STOX1: variants seen among roughly 807,000 people sequenced by gnomAD.
The protein encoded by STOX1 is storkhead box 1.
STOX1 carries 57 observed loss-of-function variants against 74.8 expected under a neutral mutation model. The observed-to-expected ratio is 0.76, with a 90% CI of 0.62 to 0.95. The LOEUF (loss-of-function observed/expected upper bound fraction) is 0.95, where lower values mean the gene tolerates loss of function less well. STOX1 is among the 40% of genes least tolerant of loss of function. The pLI is 0.00. For missense variants in STOX1, 1,010 were observed against 1,117.0 expected (o/e 0.90, Z 1.37); for synonymous variants, 375 against 401.3 (o/e 0.93, Z 0.78).
chr10:68,837,413 C>G (rs139505928), intron 1 of STOX1, among the ~76,000 whole-genome samples: 1 of 152,282 alleles, frequency 6.6e-6, no homozygotes, highest in African/African-American at 2.4e-5. Flanking sequence ...CACAAAGGGC[C>G]TGCAGAGGGG....
chr10:68,886,159 G>A lies in STOX1; in HGVS notation c.2363G>A (p.Arg788Lys). ...SLTEYNSTMERVESQVLKRNE... is the reference protein window; with the variant it reads ...SLTEYNSTMEKVESQVLKRNE... ...ACCGAGTACAACAGCACAATGGAGAGGGTTGAGTCTCAGGTGCTTAAAAGA... is the reference window on the plus strand; with the variant it reads ...ACCGAGTACAACAGCACAATGGAGAAGGTTGAGTCTCAGGTGCTTAAAAGA... Residue 788 changes from arginine (R) to lysine (K), a missense_variant, in exon 3 of 4, where the codon AGG (arginine) becomes AAG (lysine). Transcript: ENST00000298596. 1 of 1,614,162 alleles carries A rather than the reference G, an allele frequency of 6.2e-7. No individual in the cohort carries two copies. The highest frequency in any genetic ancestry group is 1.3e-5 in the African/African-American group (1 of 75,030).
chr10:68,830,562 C>T (rs1202349629), intron 1 of STOX1, among the ~76,000 whole-genome samples: 1 of 152,004 alleles, frequency 6.6e-6, no homozygotes, highest in Non-Finnish European at 1.5e-5. Context: ...AGACTGGTCT[C>T]GAACTTCTGA....
chr10:68,845,314 C>A (rs958091364), intron 1 of STOX1, among the ~76,000 whole-genome samples: 2 of 147,330 alleles, frequency 1.4e-5, no homozygotes, highest in East Asian at 2.0e-4. Flanking sequence ...TGCTCTGTCA[C>A]CCAGGCTGGA....
intron 1 of STOX1, among the ~76,000 whole-genome samples, chr10:68,870,888 G>C (rs1760273619): frequency 1.3e-5 from 2 of 152,230 alleles, no homozygotes; most frequent in Admixed American, 1.3e-4. Flanking sequence ...AGAGTCTCCT[G>C]ATAAAGCCTA....
intron 1 of STOX1, among the ~76,000 whole-genome samples, chr10:68,861,815 A>G (rs568009511): frequency 6.6e-6 from 1 of 152,252 alleles, no homozygotes; most frequent in Non-Finnish European, 1.5e-5. Context: ...GATGCTTTAA[A>G]TATTTGTTCT....
At chr10:68,833,824 C>G (rs1839473311) in intron 1 of STOX1, among the ~76,000 whole-genome samples, 1 of 152,174 alleles carries the variant, frequency 6.6e-6, no homozygotes. Context: ...GGGTCTGTCT[C>G]TCTTCTCTTA....
chr10:68,889,249 G>A (rs1841041490), intron 3 of STOX1, among the ~76,000 whole-genome samples: 1 of 152,218 alleles, frequency 6.6e-6, no homozygotes, highest in Non-Finnish European at 1.5e-5. Flanking sequence ...TGGGATTACA[G>A]GCATGACCCA....
chr10:68,828,947 C>T (rs1283097283), intron 1 of STOX1: 4 of 985,292 alleles, frequency 4.1e-6, no homozygotes, highest in Middle Eastern at 5.2e-4. Flanking sequence ...AGAAACTAAA[C>T]CACCGCACCC....
intron 1 of STOX1, among the ~76,000 whole-genome samples, chr10:68,878,681 T>A (rs1840738256): frequency 6.6e-6 from 1 of 152,228 alleles, no homozygotes; most frequent in South Asian, 2.1e-4. Flanking sequence ...ATGATTTCCT[T>A]GTTGAAGTCC....
intron 3 of STOX1, among the ~76,000 whole-genome samples, chr10:68,889,135 T>A (rs1436175782): frequency 6.6e-6 from 1 of 152,022 alleles, no homozygotes; most frequent in African/African-American, 2.4e-5. Context: ...CACATGCTAC[T>A]ATACCCAGCT....
chr10:68,869,530 C>T (rs889593597), intron 1 of STOX1, among the ~76,000 whole-genome samples: 4 of 152,002 alleles, frequency 2.6e-5, no homozygotes, highest in African/African-American at 9.7e-5. Context: ...GATTTTGAAA[C>T]GCTGAGGTAT....
At chr10:68,858,585 T>C (rs1589225541) in intron 1 of STOX1, among the ~76,000 whole-genome samples, 1 of 151,948 alleles carries the variant, frequency 6.6e-6, no homozygotes, top group South Asian at 2.1e-4. Context: ...GGCCACAGAG[T>C]CTGTAATCAA....
At chr10:68,871,793 A>C (rs986696451) in intron 1 of STOX1, among the ~76,000 whole-genome samples, 6 of 152,208 alleles carry the variant, frequency 3.9e-5, no homozygotes, top group Admixed American at 2.0e-4. Flanking sequence ...AACCTATTTG[A>C]AGTTGTAACA....
intron 1 of STOX1, among the ~76,000 whole-genome samples, chr10:68,854,911 C>T (rs1327223363): frequency 1.1e-4 from 17 of 152,088 alleles, no homozygotes; most frequent in Non-Finnish European, 2.1e-4. Context: ...TGGAGACCAG[C>T]CTGGGCAACA....
At chr10:68,832,349 A>C (rs562146804) in intron 1 of STOX1, among the ~76,000 whole-genome samples, 1 of 152,324 alleles carries the variant, frequency 6.6e-6, no homozygotes, top group African/African-American at 2.4e-5. Context: ...TGTCACCCCC[A>C]GCAGGGCCTT....
rs545956586 is a variant in STOX1 at position 68,856,655 on chromosome 10, AG to A, written c.311-25302del. ...AGAGGAGAACAGAAAAGTGTCTCCA[AG>A]TCAGTAGGCCAGACACCCTCCTCCT... On this transcript the variant is annotated intron_variant, in intron 1 of 3. Coordinates refer to ENST00000298596, the MANE Select transcript of STOX1 (RefSeq NM_152709.5). 1.1e-4 allele frequency among the ~76,000 whole-genome samples: 16 copies of A among 152,184 alleles called. 2 individuals carry two copies. The highest frequency in any genetic ancestry group is 7.2e-4 in the Admixed American group (11 of 15,288).
At chr10:68,878,782 G>T (rs905997139) in intron 1 of STOX1, among the ~76,000 whole-genome samples, 1 of 152,182 alleles carries the variant, frequency 6.6e-6, no homozygotes, top group African/African-American at 2.4e-5. Flanking sequence ...TCAACAACCA[G>T]TACAATGTAC....
chr10:68,838,160 A>G (rs147640753), intron 1 of STOX1, among the ~76,000 whole-genome samples: 4 of 150,386 alleles, frequency 2.7e-5, no homozygotes, highest in Non-Finnish European at 4.4e-5. Context: ...TCGACCTCCC[A>G]GACTTAAGTG....
chr10:68,872,438 T>C (rs964697448), intron 1 of STOX1, among the ~76,000 whole-genome samples: 1 of 147,326 alleles, frequency 6.8e-6, no homozygotes, highest in Non-Finnish European at 1.5e-5. Flanking sequence ...CTCCACCTCC[T>C]GGGTTCAAGT....
Sources: gnomAD v4.1 joint callset for allele counts (sites outside exome capture counted in the v4.1 genomes callset) on GRCh38, gnomAD v4.1.1 for gene constraint, MANE v1.5 for transcripts, NCBI Gene and HGNC (gene_info 2026-07-23, HGNC 2026-07-21) for gene names.